Variants in SCAF11 observed in about 807,000 individuals in gnomAD.
SCAF11 encodes SR-related CTD associated factor 11, also known as protein SCAF11.
In SCAF11, 47 loss-of-function variants were observed where a neutral mutation model predicts 140.5. The ratio of observed to expected loss-of-function variants is 0.33; its 90% CI spans 0.26 to 0.43. SCAF11 has a LOEUF of 0.43. Among genes scored for constraint, SCAF11 ranks in the 20% least tolerant of loss-of-function variants. The probability of loss-of-function intolerance (pLI) is 1.00; values close to 1 mark genes in which losing one functional copy is unlikely to be tolerated. For missense variants in SCAF11, 1,645 were observed against 1,705.1 expected (o/e 0.96, Z 0.62); for synonymous variants, 557 against 579.4 (o/e 0.96, Z 0.55).
At chr12:45,991,245 C>T (rs1335584735), upstream of SCAF11, among the ~76,000 whole-genome samples, 3 of 152,152 alleles carry the variant, frequency 2.0e-5, no homozygotes, top group African/African-American at 7.2e-5. Flanking sequence ...TAGGGGCTTT[C>T]CCATGTCTTA....
intron 1 of SCAF11, among the ~76,000 whole-genome samples, chr12:45,965,028 G>A (rs188517139): frequency 6.6e-6 from 1 of 152,148 alleles, no homozygotes; most frequent in Non-Finnish European, 1.5e-5. Flanking sequence ...AATTTTATCT[G>A]AAAAATCACA....
At chr12:45,923,956 T>C (rs771112707) in intron 12 of SCAF11, among the ~76,000 whole-genome samples, 9 of 152,134 alleles carry the variant, frequency 5.9e-5, no homozygotes, top group Non-Finnish European at 1.0e-4. Context: ...GTTCAAGCAA[T>C]TCTCCTGCCT....
intron 10 of SCAF11, chr12:45,930,045 A>C (rs1289485677): frequency 6.6e-6 from 1 of 152,248 alleles, no homozygotes; most frequent in East Asian, 1.9e-4. Context: ...CAATAAAAGA[A>C]GCTAAAGAAA....
intron 6 of SCAF11, among the ~76,000 whole-genome samples, chr12:45,941,680 T>C (rs1180998766): frequency 6.6e-6 from 1 of 152,196 alleles, no homozygotes; most frequent in Non-Finnish European, 1.5e-5. Context: ...ACTCCTATTT[T>C]ACCAGTTCCT....
chr12:45,965,977 T>C (rs1186589675), intron 1 of SCAF11, among the ~76,000 whole-genome samples: 2 of 152,232 alleles, frequency 1.3e-5, no homozygotes, highest in African/African-American at 4.8e-5. Context: ...AGCATTAGAA[T>C]CTAAAAACTT....
chr12:45,940,525 C>G (rs1945271815), intron 6 of SCAF11, among the ~76,000 whole-genome samples: 2 of 152,050 alleles, frequency 1.3e-5, no homozygotes, highest in African/African-American at 4.8e-5. Flanking sequence ...TCTGGTGGCT[C>G]CAATTATTAG....
intron 6 of SCAF11, among the ~76,000 whole-genome samples, chr12:45,940,474 G>T (rs1945270311): frequency 6.6e-6 from 1 of 152,212 alleles, no homozygotes; most frequent in African/African-American, 2.4e-5. Context: ...TTTTGTAGTA[G>T]AAAGTGGCAT....
intron 4 of SCAF11, 49 bp from the exon 5 acceptor site, chr12:45,948,586 T>C (rs1282516971): frequency 1.7e-6 from 2 of 1,163,264 alleles, no homozygotes; most frequent in East Asian, 2.4e-5. Context: ...GCCTTACAAA[T>C]AACTTTTTAA....
At chr12:45,977,973 G>A (rs1565692622) in intron 1 of SCAF11, among the ~76,000 whole-genome samples, 1 of 152,152 alleles carries the variant, frequency 6.6e-6, no homozygotes, top group Non-Finnish European at 1.5e-5. Flanking sequence ...ACCAAAAGAA[G>A]ACATCTATTA....
intron 1 of SCAF11, among the ~76,000 whole-genome samples, chr12:45,983,473 CACGAT>C (rs943176572): frequency 2.4e-4 from 36 of 152,084 alleles, no homozygotes; most frequent in African/African-American, 8.2e-4. Flanking sequence ...AATACCAGAA[CACGAT>C]ACATTTAAAA....
At chr12:45,980,180 C>T (rs1283753752) in intron 1 of SCAF11, among the ~76,000 whole-genome samples, 1 of 152,124 alleles carries the variant, frequency 6.6e-6, no homozygotes, top group Non-Finnish European at 1.5e-5. Flanking sequence ...TAGCAATTTA[C>T]CAACAAATAA....
chr12:45,939,060 C>T (rs1031488794), intron 6 of SCAF11, among the ~76,000 whole-genome samples: 3 of 149,966 alleles, frequency 2.0e-5, no homozygotes, highest in African/African-American at 4.9e-5. Context: ...TGCTGTCTAA[C>T]CTTTCACTAT....
In SCAF11 at chr12:45,989,888, C is replaced by T. The variant is rs369933266; in HGVS notation, c.-22+465G>A. 5.1e-4 allele frequency among the ~76,000 whole-genome samples: 77 copies of T among 152,328 alleles called. 3 individuals are homozygous for T. Among genetic ancestry groups the T allele is most frequent in the African/African-American group, 1.8e-3 (75 of 41,578 alleles). On this transcript the variant is annotated intron_variant, in intron 1 of 14. Coordinates refer to ENST00000369367, the MANE Select transcript of SCAF11 (RefSeq NM_004719.3). ...AAAGTCTCCCAAGAAAAGCCGACAC[C>T]GCGGTCGGGAGCGCCCGGAAGCTCA...
In SCAF11 at chr12:45,921,914, A is replaced by T; in HGVS notation, c.*134T>A. On this transcript the variant is annotated 3_prime_UTR_variant, in exon 15 of 15. Transcript: ENST00000369367. Reference sequence around the variant, plus strand: ...CTATATTTATTTAGAACAAAACATCATATCCTATGTTAAAAAAATAATTTT... The same window carrying T: ...CTATATTTATTTAGAACAAAACATCTTATCCTATGTTAAAAAAATAATTTT... 1 of 1,043,146 alleles carries T rather than the reference A, an allele frequency of 9.6e-7. No individual in the cohort carries two copies. Among genetic ancestry groups the T allele is most frequent in the Non-Finnish European group, 1.4e-6 (1 of 716,574 alleles). 64.6% of individuals were successfully genotyped at this position (1,043,146 alleles called of 1,614,324 possible).
At chr12:45,961,892 T>TTC in intron 2 of SCAF11, 35 bp from the exon 3 acceptor site, 1 of 1,548,240 alleles carries the variant, frequency 6.5e-7, no homozygotes, top group Non-Finnish European at 8.7e-7. Context: ...TGCTTTCAAG[T>TTC]TCTCCAGACC....
intron 10 of SCAF11, 128 bp from the exon 11 acceptor site, chr12:45,928,987 T>TA (rs1474981450): frequency 1.6e-5 from 8 of 487,640 alleles, no homozygotes; most frequent in Non-Finnish European, 2.4e-5. Flanking sequence ...ATAAAACTAT[T>TA]AATAAATGCA....
chr12:45,926,352 A>T lies in SCAF11; in HGVS notation c.3349T>A (p.Phe1117Ile), dbSNP rs781492143. 34 of 1,614,000 alleles carry T rather than the reference A, an allele frequency of 2.1e-5. No homozygotes were observed. In the South Asian group the frequency reaches 3.5e-4, roughly 17 times the overall value. ...SNSSGSESFK[F>I]VEQQSYKRKS... ...CGCTTATAGGATTGCTGTTCCACAAACTTGAAAGATTCACTCCCTGAACTG... is the reference window on the plus strand; with the variant it reads ...CGCTTATAGGATTGCTGTTCCACAATCTTGAAAGATTCACTCCCTGAACTG... Residue 1117 changes from phenylalanine to isoleucine, a missense_variant, in exon 11 of 15, where the codon TTT becomes ATT. Coordinates refer to ENST00000369367, the MANE Select transcript of SCAF11 (RefSeq NM_004719.3).
At chr12:45,973,562 A>G (rs1036825586) in intron 1 of SCAF11, among the ~76,000 whole-genome samples, 1 of 152,178 alleles carries the variant, frequency 6.6e-6, no homozygotes, top group Non-Finnish European at 1.5e-5. Flanking sequence ...ACTGAAAGTT[A>G]CAAAGGAAAA....
At chr12:45,983,965 AAC>A (rs1419576667) in intron 1 of SCAF11, among the ~76,000 whole-genome samples, 1 of 152,164 alleles carries the variant, frequency 6.6e-6, no homozygotes, top group African/African-American at 2.4e-5. Context: ...AAAGATTGAG[AAC>A]ACTTTTAATT....
Sources: gnomAD v4.1 joint callset for allele counts (sites outside exome capture counted in the v4.1 genomes callset) on GRCh38, gnomAD v4.1.1 for gene constraint, MANE v1.5 for transcripts, NCBI Gene and HGNC (gene_info 2026-07-23, HGNC 2026-07-21) for gene names.